LRRTM4: variants seen among roughly 807,000 people sequenced by gnomAD.
The protein encoded by LRRTM4 is leucine-rich repeat transmembrane neuronal protein 4.
A neutral mutation model predicts 47.6 loss-of-function variants in LRRTM4; 25 were observed. The ratio of observed to expected loss-of-function variants is 0.53; its 90% confidence interval spans 0.38 to 0.73. LRRTM4 has a LOEUF of 0.73. Among genes scored for constraint, LRRTM4 ranks in the 30% least tolerant of loss-of-function variants. The pLI is 0.00. For synonymous variants in LRRTM4, 311 were observed against 269.5 expected (o/e 1.15, Z -1.51); for missense variants, 638 against 713.4 (o/e 0.89, Z 1.20).
intron 3 of LRRTM4, among the ~76,000 whole-genome samples, chr2:76,781,479 T>G (rs1403790123): frequency 5.3e-5 from 8 of 152,248 alleles, no homozygotes; most frequent in African/African-American, 1.9e-4. Flanking sequence ...TAAGCCCGTC[T>G]GAAAAGCGCA....
intron 3 of LRRTM4, among the ~76,000 whole-genome samples, chr2:77,234,198 A>C: frequency 6.6e-6 from 1 of 152,222 alleles, no homozygotes; most frequent in South Asian, 2.1e-4. Context: ...GAAAACCCAA[A>C]TCATATAAAC....
chr2:76,965,078 T>A (rs1470509), intron 3 of LRRTM4, among the ~76,000 whole-genome samples: 87,598 of 150,796 alleles, frequency 0.58, 27,926 homozygotes, highest in African/African-American at 0.84. Flanking sequence ...ATGAAGCATC[T>A]GGTCCAGATA....
intron 3 of LRRTM4, among the ~76,000 whole-genome samples, chr2:77,468,370 T>G (rs1922806): frequency 0.32 from 48,988 of 152,074 alleles, 8,236 homozygotes; most frequent in Admixed American, 0.44. Context: ...GAGAATTTTA[T>G]AGAACATCAT....
intron 3 of LRRTM4, among the ~76,000 whole-genome samples, chr2:76,904,987 G>T (rs1024043706): frequency 1.3e-5 from 2 of 152,176 alleles, no homozygotes; most frequent in African/African-American, 4.8e-5. Flanking sequence ...GAGCATTGAA[G>T]AAAGCAGTGG....
At chr2:77,343,915 C>T (rs1039259599) in intron 3 of LRRTM4, among the ~76,000 whole-genome samples, 1 of 151,754 alleles carries the variant, frequency 6.6e-6, no homozygotes, top group African/African-American at 2.4e-5. Context: ...AAGAGCATTC[C>T]AGGAAATTGG....
chr2:76,972,832 G>T (rs1054275579), intron 3 of LRRTM4, among the ~76,000 whole-genome samples: 1 of 151,954 alleles, frequency 6.6e-6, no homozygotes, highest in African/African-American at 2.4e-5. Flanking sequence ...GGCATGTTTT[G>T]TGTCTGATTT....
intron 3 of LRRTM4, among the ~76,000 whole-genome samples, chr2:77,005,433 G>A (rs547981040): frequency 5.9e-5 from 9 of 152,136 alleles, no homozygotes; most frequent in Non-Finnish European, 1.2e-4. Context: ...GTGAGCCACC[G>A]TGCCTGGCTG....
chr2:77,383,443 TCTC>T (rs1483073614), intron 3 of LRRTM4, among the ~76,000 whole-genome samples: 1 of 152,040 alleles, frequency 6.6e-6, no homozygotes, highest in Admixed American at 6.6e-5. Flanking sequence ...TTCCTTTTCT[TCTC>T]CTCTATTCTG....
At chr2:77,475,095 T>C (rs1465797606) in intron 3 of LRRTM4, among the ~76,000 whole-genome samples, 2 of 152,012 alleles carry the variant, frequency 1.3e-5, no homozygotes, top group Non-Finnish European at 2.9e-5. Context: ...GTGACCAGGA[T>C]AGAAAATGTA....
intron 3 of LRRTM4, among the ~76,000 whole-genome samples, chr2:76,787,704 C>A (rs943828311): frequency 7.2e-5 from 11 of 151,944 alleles, no homozygotes; most frequent in Non-Finnish European, 1.5e-4. Flanking sequence ...CGGGTTGATT[C>A]TTATCCCATG....
chr2:77,289,762 A>G (rs1676768410), intron 3 of LRRTM4, among the ~76,000 whole-genome samples: 1 of 152,046 alleles, frequency 6.6e-6, no homozygotes, highest in Non-Finnish European at 1.5e-5. Context: ...GAAATTAAAA[A>G]TATCTCAATG....
At chr2:77,062,414 G>T (rs1270980308) in intron 3 of LRRTM4, among the ~76,000 whole-genome samples, 1 of 152,276 alleles carries the variant, frequency 6.6e-6, no homozygotes, top group East Asian at 1.9e-4. Flanking sequence ...AAACTCCAGA[G>T]TTGAGGAGAG....
chr2:77,472,718 C>A (rs1364249288), intron 3 of LRRTM4, among the ~76,000 whole-genome samples: 1 of 152,110 alleles, frequency 6.6e-6, no homozygotes, highest in Non-Finnish European at 1.5e-5. Context: ...CAGGTCAACA[C>A]CTGCTCAAGA....
At chr2:77,479,695 T>A (rs1315797907) in intron 3 of LRRTM4, among the ~76,000 whole-genome samples, 1 of 152,106 alleles carries the variant, frequency 6.6e-6, no homozygotes, top group South Asian at 2.1e-4. Context: ...TCTCTCTCTT[T>A]TTCTCGTCTC....
chr2:77,305,030 T>A lies in LRRTM4; in HGVS notation c.1551+213288A>T, dbSNP rs544260181. ...TTGTAGATTAATTCATCATAGAAGA[T>A]CATGTCATGTATATGTATGAGAAAA... On this transcript the variant is annotated intron_variant, in intron 3 of 3. Coordinates refer to ENST00000409884, the MANE Select transcript of LRRTM4 (RefSeq NM_001134745.3). 1.5e-3 allele frequency among the ~76,000 whole-genome samples: 233 copies of A among 152,182 alleles called. 2 individuals carry two copies. In the South Asian group the frequency reaches 0.018, roughly 12 times the overall value.
intron 3 of LRRTM4, among the ~76,000 whole-genome samples, chr2:76,993,064 A>T (rs897540897): frequency 1.3e-5 from 2 of 151,778 alleles, no homozygotes; most frequent in South Asian, 2.1e-4. Context: ...ATACCTGGCT[A>T]ATCTGTCTGA....
intron 3 of LRRTM4, among the ~76,000 whole-genome samples, chr2:77,185,127 G>A (rs933455728): frequency 6.6e-6 from 1 of 152,088 alleles, no homozygotes; most frequent in African/African-American, 2.4e-5. Context: ...GAAGAGATAT[G>A]TATTATCTAT....
At chr2:77,351,718 T>C (rs1381297663) in intron 3 of LRRTM4, among the ~76,000 whole-genome samples, 1 of 151,386 alleles carries the variant, frequency 6.6e-6, no homozygotes, top group East Asian at 1.9e-4. Context: ...GAGTGATTTA[T>C]ATTGAGTCAT....
intron 3 of LRRTM4, among the ~76,000 whole-genome samples, chr2:76,844,823 C>T (rs1158673563): frequency 6.6e-6 from 1 of 152,012 alleles, no homozygotes; most frequent in African/African-American, 2.4e-5. Flanking sequence ...TATTGTGTAG[C>T]TGGATTTCAG....
Sources: allele counts gnomAD v4.1 joint callset (sites outside exome capture counted in the v4.1 genomes callset), GRCh38; gene constraint gnomAD v4.1.1; transcripts MANE v1.5; gene names NCBI Gene and HGNC (gene_info 2026-07-23, HGNC 2026-07-21).